Variants in SPOCK1 observed in about 807,000 individuals in gnomAD.
The protein encoded by SPOCK1 is testican-1.
In SPOCK1, 23 loss-of-function variants were observed where a neutral mutation model predicts 55.3. The observed-to-expected ratio is 0.42, with a 90% CI of 0.30 to 0.59. The LOEUF (loss-of-function observed/expected upper bound fraction) is 0.59. Ranked by LOEUF, SPOCK1 falls within the 20% of genes least tolerant of loss-of-function variation. The probability of loss-of-function intolerance (pLI) is 0.22; values close to 1 mark genes in which losing one functional copy is unlikely to be tolerated. For synonymous variants in SPOCK1, 226 were observed against 221.0 expected (o/e 1.02, Z -0.20); for missense variants, 499 against 552.5 (o/e 0.90, Z 0.97).
chr5:137,480,859 G>A (rs2149842302), intron 2 of SPOCK1, among the ~76,000 whole-genome samples: 1 of 152,278 alleles, frequency 6.6e-6, no homozygotes, highest in African/African-American at 2.4e-5. Context: ...AGAGACTCCT[G>A]AGCATACAAA....
At chr5:137,199,574 CCTT>C (rs1755374852) in intron 3 of SPOCK1, among the ~76,000 whole-genome samples, 1 of 152,142 alleles carries the variant, frequency 6.6e-6, no homozygotes, top group East Asian at 1.9e-4. Context: ...TCCTCCTCCT[CCTT>C]GAACATTTAT....
chr5:137,300,188 A>G (rs930321748), intron 2 of SPOCK1, among the ~76,000 whole-genome samples: 29 of 152,170 alleles, frequency 1.9e-4, no homozygotes, highest in African/African-American at 5.8e-4. Context: ...TCTGGACTCC[A>G]TCTGATAAAA....
chr5:136,986,494 T>TAACA (rs1268998819), intron 8 of SPOCK1, among the ~76,000 whole-genome samples: 6 of 152,130 alleles, frequency 3.9e-5, no homozygotes, highest in Non-Finnish European at 8.8e-5. Flanking sequence ...TTTTAGGTAC[T>TAACA]AACAGATGTA....
At chr5:137,168,321 C>T (rs1440329773) in intron 3 of SPOCK1, among the ~76,000 whole-genome samples, 1 of 151,984 alleles carries the variant, frequency 6.6e-6, no homozygotes, top group Admixed American at 6.6e-5. Flanking sequence ...CTTGAGTAAG[C>T]ACAGGCAACC....
chr5:137,389,374 A>G (rs1038021770), intron 2 of SPOCK1, among the ~76,000 whole-genome samples: 20 of 152,220 alleles, frequency 1.3e-4, no homozygotes, highest in African/African-American at 4.6e-4. Flanking sequence ...TCGGATTTGT[A>G]TTAAGTTTTT....
intron 6 of SPOCK1, among the ~76,000 whole-genome samples, chr5:136,996,235 G>A (rs1225996730): frequency 2.6e-5 from 4 of 152,122 alleles, no homozygotes; most frequent in Non-Finnish European, 4.4e-5. Flanking sequence ...AGTAATGTTC[G>A]TGGGGTGAAA....
At chr5:137,371,190 G>A (rs1309744523) in intron 2 of SPOCK1, among the ~76,000 whole-genome samples, 3 of 152,200 alleles carry the variant, frequency 2.0e-5, no homozygotes, top group Non-Finnish European at 4.4e-5. Context: ...AATGAATAGT[G>A]CCACAACTTG....
intron 2 of SPOCK1, among the ~76,000 whole-genome samples, chr5:137,491,544 T>C (rs1444946553): frequency 6.6e-6 from 1 of 152,136 alleles, no homozygotes; most frequent in Non-Finnish European, 1.5e-5. Flanking sequence ...TGAGTGGGGC[T>C]CTGTGGTAAA....
chr5:137,268,634 T>C lies in SPOCK1; in HGVS notation c.187-1579A>G, dbSNP rs528761582. Among the ~76,000 whole-genome samples, 8 of 152,344 alleles carry C rather than the reference T, an allele frequency of 5.3e-5. No individual in the cohort carries two copies. The East Asian group carries it at 1.5e-3, about 29-fold the overall frequency. ...CTAGGTTTGATGACCAAAGTGTTCT[T>C]AGCCTTAGACAACCATGTTACCAAC... On this transcript the variant is annotated intron_variant, in intron 2 of 10. Transcript: ENST00000394945.
chr5:136,995,028 C>A (rs1342897679), intron 6 of SPOCK1, among the ~76,000 whole-genome samples: 1 of 152,012 alleles, frequency 6.6e-6, no homozygotes, highest in African/African-American at 2.4e-5. Flanking sequence ...TTTAAAAAAT[C>A]TAATAGATAG....
intron 2 of SPOCK1, among the ~76,000 whole-genome samples, chr5:137,389,740 G>A (rs933285860): frequency 6.6e-6 from 1 of 152,234 alleles, no homozygotes; most frequent in African/African-American, 2.4e-5. Flanking sequence ...TTGGAGTGTG[G>A]AAGAAAAACC....
At chr5:137,043,944 T>G (rs1024492342) in intron 6 of SPOCK1, among the ~76,000 whole-genome samples, 2 of 152,214 alleles carry the variant, frequency 1.3e-5, no homozygotes, top group Non-Finnish European at 2.9e-5. Context: ...AAATGTACCA[T>G]GCCAATGTAA....
At chr5:137,498,668 C>A in intron 1 of SPOCK1, 110 bp from the exon 2 acceptor site, 1 of 954,496 alleles carries the variant, frequency 1.0e-6, no homozygotes, top group South Asian at 5.2e-5. Flanking sequence ...CCGCGGCGGG[C>A]ACGGGCAGCG....
intron 2 of SPOCK1, among the ~76,000 whole-genome samples, chr5:137,491,135 T>A (rs1754167995): frequency 6.6e-6 from 1 of 152,306 alleles, no homozygotes; most frequent in Admixed American, 6.5e-5. Context: ...GTATCACCAT[T>A]CCAGTTTTAC....
chr5:137,101,133 T>C lies in SPOCK1; in HGVS notation c.474+11302A>G, dbSNP rs543749723. Among the ~76,000 whole-genome samples the C allele has an allele frequency of 2.6e-5, 4 of 152,348 alleles. No individual in the cohort carries two copies. In the South Asian group the frequency reaches 6.2e-4, roughly 24 times the overall value. On this transcript the variant is annotated intron_variant, in intron 5 of 10. Coordinates refer to ENST00000394945, the MANE Select transcript of SPOCK1 (RefSeq NM_004598.4). ...TCTGACCATACTCATTAGAGCAGAA[T>C]GTCAGCAAGGGAATATTCTGTTTGT... is the stretch of plus-strand genomic sequence containing the variant.
In SPOCK1 at chr5:137,018,288, G is replaced by T. The variant is rs528976848; in HGVS notation, c.590-25688C>A. Among the ~76,000 whole-genome samples the T allele has an allele frequency of 1.2e-3, 183 of 152,346 alleles. 1 individual carries two copies. Among genetic ancestry groups the T allele is most frequent in the African/African-American group, 4.2e-3 (173 of 41,578 alleles). On this transcript the variant is annotated intron_variant, in intron 6 of 10. Coordinates refer to ENST00000394945, the MANE Select transcript of SPOCK1 (RefSeq NM_004598.4). ...TTTATTCTGTGGAAGATATGACTAA[G>T]TGGGGACCAGTCAGGTGACCTGGAG...
intron 3 of SPOCK1, among the ~76,000 whole-genome samples, chr5:137,261,034 T>C (rs1010883609): frequency 6.6e-6 from 1 of 152,090 alleles, no homozygotes; most frequent in South Asian, 2.1e-4. Flanking sequence ...AGGAGAAAAG[T>C]ATTAAGATGC....
At chr5:137,084,042 T>A (rs1420290571) in intron 5 of SPOCK1, among the ~76,000 whole-genome samples, 1 of 152,156 alleles carries the variant, frequency 6.6e-6, no homozygotes, top group African/African-American at 2.4e-5. Context: ...TAAAGGCACC[T>A]GCCTCTTTGT....
intron 3 of SPOCK1, among the ~76,000 whole-genome samples, chr5:137,167,149 A>G (rs996266973): frequency 6.6e-6 from 1 of 152,070 alleles, no homozygotes; most frequent in East Asian, 1.9e-4. Context: ...TGGAAGCCAT[A>G]AAAGAGCAGG....
Sources: gnomAD v4.1 joint callset for allele counts (sites outside exome capture counted in the v4.1 genomes callset) on GRCh38, gnomAD v4.1.1 for gene constraint, MANE v1.5 for transcripts, NCBI Gene and HGNC (gene_info 2026-07-23, HGNC 2026-07-21) for gene names.